The following SLC9C2 variants were observed in gnomAD, a reference collection of about 807,000 sequenced individuals.
SLC9C2 encodes sodium/hydrogen exchanger 11.
A neutral mutation model predicts 140.2 loss-of-function variants in SLC9C2; 75 were observed. The observed-to-expected ratio is 0.53, with a 90% CI of 0.44 to 0.65. The LOEUF is 0.65. Ranked by LOEUF, SLC9C2 falls within the 30% of genes least tolerant of loss-of-function variation. SLC9C2 has a pLI of 0.00. For missense variants in SLC9C2, 1,074 were observed against 1,331.8 expected, an observed-to-expected ratio of 0.81 and a Z score of 3.01; for synonymous variants, 375 against 420.9, an observed-to-expected ratio of 0.89 and a Z score of 1.34.
chr1:173,578,621 C>T (rs1665330479), intron 7 of SLC9C2, among the ~76,000 whole-genome samples: 1 of 152,178 alleles, frequency 6.6e-6, no homozygotes, highest in African/African-American at 2.4e-5. Flanking sequence ...TATTGTCTCA[C>T]AGTTCTGGAG....
At chr1:173,585,068 T>C (rs1231794747) in intron 5 of SLC9C2, among the ~76,000 whole-genome samples, 1 of 152,232 alleles carries the variant, frequency 6.6e-6, no homozygotes, top group Non-Finnish European at 1.5e-5. Context: ...AGCATATGGT[T>C]CTTTTTACTC....
At chr1:173,563,627 C>T (rs4916222) in intron 9 of SLC9C2, among the ~76,000 whole-genome samples, 33,851 of 152,016 alleles carry the variant, frequency 0.22, 4,941 homozygotes, top group East Asian at 0.62. Flanking sequence ...ACATTTGATA[C>T]GGGGCATGCA....
chr1:173,544,198 G>A (rs556272655), intron 13 of SLC9C2, among the ~76,000 whole-genome samples: 1 of 152,216 alleles, frequency 6.6e-6, no homozygotes, highest in East Asian at 1.9e-4. Flanking sequence ...GTGGGCAAAG[G>A]ATATGAACAG....
rs746200327 is a variant in SLC9C2, at chr1:173,509,707, A to G, written c.2908-8T>C. ...CAGGGAGATAAAGCAGGCCTGAAAC[A>G]AAAAGGAACCAGGCCATAGCAGCTT... On this transcript the variant is annotated splice_region_variant and splice_polypyrimidine_tract_variant and intron_variant, in intron 23 of 27. Transcript: ENST00000367714. The G allele has an allele frequency of 1.3e-6, 2 of 1,581,450 alleles. No individual in the cohort carries two copies. Among genetic ancestry groups the G allele is most frequent in the Non-Finnish European group, 1.7e-6 (2 of 1,170,778 alleles).
intron 1 of SLC9C2, 84 bp downstream of exon 1, chr1:173,602,667 T>C (rs941569691): frequency 2.6e-5 from 4 of 152,166 alleles, no homozygotes; most frequent in Non-Finnish European, 5.9e-5. Context: ...AAAGATTTGT[T>C]CTGTTTTATT....
intron 23 of SLC9C2, among the ~76,000 whole-genome samples, chr1:173,516,911 A>AT (rs1660463277): frequency 6.6e-6 from 1 of 152,214 alleles, no homozygotes; most frequent in African/African-American, 2.4e-5. Flanking sequence ...CAATGGTTGA[A>AT]TTAATTTATA....
At chr1:173,570,612 G>A (rs1294466930) in intron 9 of SLC9C2, among the ~76,000 whole-genome samples, 1 of 152,100 alleles carries the variant, frequency 6.6e-6, no homozygotes, top group Non-Finnish European at 1.5e-5. Context: ...CACAGCATCA[G>A]GACTTGCCTA....
rs570621266 is a variant in SLC9C2 at position 173,578,792 on chromosome 1, C to T, written c.803-2032G>A. Among the ~76,000 whole-genome samples the T allele has an allele frequency of 4.6e-5, 7 of 152,274 alleles. No individual in the cohort carries two copies. The East Asian group carries it at 1.3e-3, about 29-fold the overall frequency. ...TAATCTTCCCTCTATGTGTATCTGT[C>T]GCTGTGTCCAAATTTCCCCTTTTTA... On this transcript the variant is annotated intron_variant, in intron 7 of 27. Transcript: ENST00000367714.
At chr1:173,537,157 T>C in intron 13 of SLC9C2, 118 bp from the exon 14 acceptor site, 1 of 711,300 alleles carries the variant, frequency 1.4e-6, no homozygotes, top group South Asian at 1.8e-5. Context: ...AATATGCCAT[T>C]ACAAAAAATT....
intron 17 of SLC9C2, among the ~76,000 whole-genome samples, chr1:173,531,097 A>T (rs1182011346): frequency 2.0e-5 from 3 of 152,174 alleles, no homozygotes; most frequent in Admixed American, 2.0e-4. Context: ...TTATGCTGAC[A>T]ATGGCTATGA....
intron 9 of SLC9C2, among the ~76,000 whole-genome samples, chr1:173,562,512 T>A (rs1326465323): frequency 6.6e-6 from 1 of 152,172 alleles, no homozygotes; most frequent in South Asian, 2.1e-4. Flanking sequence ...GGTAAGTGAT[T>A]TTATAAAAGG....
chr1:173,575,563 T>C (rs1352296988), intron 8 of SLC9C2, among the ~76,000 whole-genome samples: 3 of 151,940 alleles, frequency 2.0e-5, no homozygotes, highest in African/African-American at 7.3e-5. Context: ...TTTTTGTTGT[T>C]GTTGTTGTTT....
intron 10 of SLC9C2, among the ~76,000 whole-genome samples, chr1:173,555,651 G>A (rs926683283): frequency 6.6e-6 from 1 of 152,196 alleles, no homozygotes; most frequent in African/African-American, 2.4e-5. Flanking sequence ...AAGAGAATCG[G>A]AGGAGCTGTA....
intron 4 of SLC9C2, among the ~76,000 whole-genome samples, chr1:173,588,080 T>C (rs185862361): frequency 6.6e-6 from 1 of 152,338 alleles, no homozygotes; most frequent in Non-Finnish European, 1.5e-5. Flanking sequence ...GTTCAATGGT[T>C]CTCAATATGA....
In SLC9C2 at chr1:173,565,605, C is replaced by T. The variant is rs1235498771; in HGVS notation, c.1046+7577G>A. ...TGCCATTCCCATGCTGTGTTCATTA[C>T]TATAGCTCTGCAGTATAATTTGAAG... On this transcript the variant is annotated intron_variant, in intron 9 of 27. Coordinates refer to ENST00000367714, the MANE Select transcript of SLC9C2 (RefSeq NM_178527.4). Among the ~76,000 whole-genome samples the T allele has an allele frequency of 3.3e-5, 5 of 152,334 alleles. No homozygotes were observed. In the East Asian group the frequency reaches 9.6e-4, roughly 29 times the overall value.
intron 11 of SLC9C2, 35 bp from the exon 12 acceptor site, chr1:173,548,587 G>A (rs549648145): frequency 3.1e-6 from 5 of 1,611,120 alleles, no homozygotes; most frequent in Non-Finnish European, 4.2e-6. Context: ...CCTTAATAGA[G>A]TACAGTGAGG....
At chr1:173,505,173 A>C in intron 26 of SLC9C2, 74 bp downstream of exon 26, 2 of 1,247,058 alleles carry the variant, frequency 1.6e-6, no homozygotes, top group Non-Finnish European at 2.3e-6. Context: ...TCACTTTCTT[A>C]GAGTTAAAGG....
chr1:173,589,946 A>C (rs1488644913), intron 4 of SLC9C2, among the ~76,000 whole-genome samples: 1 of 152,194 alleles, frequency 6.6e-6, no homozygotes, highest in Non-Finnish European at 1.5e-5. Flanking sequence ...TGGGAATTTA[A>C]GAATGAAATA....
chr1:173,542,762 A>G (rs957694205), intron 13 of SLC9C2, among the ~76,000 whole-genome samples: 2 of 152,210 alleles, frequency 1.3e-5, no homozygotes, highest in Admixed American at 6.5e-5. Context: ...CAAAAACCAC[A>G]TGATTATCTC....
Sources: gnomAD v4.1 joint callset for allele counts (sites outside exome capture counted in the v4.1 genomes callset) on GRCh38, gnomAD v4.1.1 for gene constraint, MANE v1.5 for transcripts, NCBI Gene and HGNC (gene_info 2026-07-23, HGNC 2026-07-21) for gene names.